TRHDE: variants seen among roughly 807,000 people sequenced by gnomAD.
TRHDE encodes the protein thyrotropin releasing hormone degrading enzyme.
TRHDE carries 72 observed loss-of-function variants against 125.7 expected under a neutral mutation model. The ratio of observed to expected loss-of-function variants is 0.57; its 90% CI spans 0.47 to 0.70. The LOEUF (loss-of-function observed/expected upper bound fraction) is 0.70, where lower values mean the gene tolerates loss of function less well. TRHDE is among the 30% of genes least tolerant of loss of function. TRHDE has a pLI of 0.00. For synonymous variants in TRHDE, 509 were observed against 509.1 expected (o/e 1.00, Z 0.00); for missense variants, 1,110 against 1,327.1 (o/e 0.84, Z 2.54).
intron 2 of TRHDE, among the ~76,000 whole-genome samples, chr12:72,342,405 G>C (rs1870123852): frequency 6.6e-6 from 1 of 152,086 alleles, no homozygotes; most frequent in South Asian, 2.1e-4. Flanking sequence ...GGGTTTTCAA[G>C]AAGAGGGAGA....
intron 3 of TRHDE, among the ~76,000 whole-genome samples, chr12:72,444,751 G>A (rs1321471546): frequency 6.6e-6 from 1 of 151,808 alleles, no homozygotes; most frequent in Non-Finnish European, 1.5e-5. Flanking sequence ...GCTGGAGAGC[G>A]AGCCACTTGA....
At chr12:72,248,810 C>T (rs1878626413) in intron 2 of TRHDE, among the ~76,000 whole-genome samples, 1 of 152,158 alleles carries the variant, frequency 6.6e-6, no homozygotes, top group Admixed American at 6.5e-5. Context: ...ACAGTTAATG[C>T]TTTTGCCTTG....
chr12:72,166,132 G>A (rs1050513052), intron 2 of TRHDE, among the ~76,000 whole-genome samples: 30 of 152,266 alleles, frequency 2.0e-4, no homozygotes, highest in Non-Finnish European at 4.4e-4. Flanking sequence ...ATACTGTACT[G>A]AGTACTGTAA....
chr12:72,580,018 A>G (rs1168473250), intron 12 of TRHDE, among the ~76,000 whole-genome samples: 2 of 152,168 alleles, frequency 1.3e-5, no homozygotes, highest in African/African-American at 4.8e-5. Context: ...GTTCTTATTC[A>G]GAATCTTACA....
intron 2 of TRHDE, among the ~76,000 whole-genome samples, chr12:72,157,140 C>T (rs1255854608): frequency 6.7e-6 from 1 of 149,708 alleles, no homozygotes; most frequent in African/African-American, 2.5e-5. Flanking sequence ...TTTTTTTGAG[C>T]TCTGTCGCCC....
At chr12:72,424,429 T>A (rs1418910478) in intron 3 of TRHDE, among the ~76,000 whole-genome samples, 3 of 152,172 alleles carry the variant, frequency 2.0e-5, no homozygotes, top group Non-Finnish European at 4.4e-5. Context: ...TATTCACAAG[T>A]ACCACGGGTT....
chr12:72,639,169 C>G (rs1873914820), intron 15 of TRHDE, among the ~76,000 whole-genome samples: 1 of 151,634 alleles, frequency 6.6e-6, no homozygotes, highest in Non-Finnish European at 1.5e-5. Flanking sequence ...GGTCTTTTCA[C>G]ATAGTCCCAT....
At chr12:72,521,241 T>G (rs1879179156) in intron 6 of TRHDE, among the ~76,000 whole-genome samples, 1 of 152,242 alleles carries the variant, frequency 6.6e-6, no homozygotes, top group Non-Finnish European at 1.5e-5. Flanking sequence ...GTCTCATGAT[T>G]TCATAATTCC....
intron 3 of TRHDE, among the ~76,000 whole-genome samples, chr12:72,438,616 A>G (rs1310622163): frequency 6.6e-6 from 1 of 151,556 alleles, no homozygotes; most frequent in Non-Finnish European, 1.5e-5. Context: ...TTTTTTTGTG[A>G]TCATATTTTC....
chr12:72,617,528 T>C (rs994134622), intron 12 of TRHDE, among the ~76,000 whole-genome samples: 3 of 152,190 alleles, frequency 2.0e-5, no homozygotes, highest in African/African-American at 4.8e-5. Flanking sequence ...AATTTTGTTA[T>C]GTTACAAAAG....
chr12:72,375,103 C>T (rs139927859), intron 2 of TRHDE, among the ~76,000 whole-genome samples: 41 of 152,210 alleles, frequency 2.7e-4, no homozygotes, highest in African/African-American at 9.6e-4. Context: ...AAGAGCTTAG[C>T]CTTGGATAGG....
At chr12:72,377,238 T>G (rs1871929040) in intron 2 of TRHDE, among the ~76,000 whole-genome samples, 1 of 151,780 alleles carries the variant, frequency 6.6e-6, no homozygotes, top group South Asian at 2.1e-4. Flanking sequence ...TTATGAAAAC[T>G]AATCTCATTT....
At chr12:72,268,821 C>A (rs1239538397), upstream of TRHDE, among the ~76,000 whole-genome samples, 1 of 151,958 alleles carries the variant, frequency 6.6e-6, no homozygotes, top group South Asian at 2.1e-4. Flanking sequence ...AATATTCAGA[C>A]AATTTTTACT....
chr12:72,567,494 A>C (rs1242057395), intron 9 of TRHDE, among the ~76,000 whole-genome samples: 1 of 151,974 alleles, frequency 6.6e-6, no homozygotes, highest in Non-Finnish European at 1.5e-5. Flanking sequence ...GAATAATAAA[A>C]TAGTCAAATT....
intron 3 of TRHDE, among the ~76,000 whole-genome samples, chr12:72,454,437 A>G (rs1235331831): frequency 6.6e-6 from 1 of 152,166 alleles, no homozygotes; most frequent in African/African-American, 2.4e-5. Flanking sequence ...AAGTGAACTA[A>G]TGAGAAAGGC....
intron 15 of TRHDE, among the ~76,000 whole-genome samples, chr12:72,644,753 C>T (rs1171739879): frequency 1.3e-5 from 2 of 152,066 alleles, no homozygotes; most frequent in African/African-American, 4.8e-5. Flanking sequence ...AAGAGTTGAA[C>T]TGTGCATCTA....
intron 3 of TRHDE, among the ~76,000 whole-genome samples, chr12:72,394,077 T>C (rs1024532611): frequency 3.9e-5 from 6 of 152,162 alleles, no homozygotes; most frequent in African/African-American, 1.2e-4. Flanking sequence ...GAAATATGGT[T>C]TGGACAATTA....
chr12:72,289,444 C>A (rs1428095861), intron 2 of TRHDE, among the ~76,000 whole-genome samples: 1 of 152,056 alleles, frequency 6.6e-6, no homozygotes, highest in African/African-American at 2.4e-5. Context: ...AGACTGAATC[C>A]AAGGCTGCAG....
rs923804375 is a variant in TRHDE at position 72,378,101 on chromosome 12, C to G, written c.1295C>G (p.Pro432Arg). The G allele has an allele frequency of 6.3e-7, 1 of 1,581,374 alleles. No homozygotes were observed. ...IEFYEDYFKV[P>R]YSLPKLDLLA... Reference sequence around the variant, plus strand: ...TTTTATGAAGACTACTTTAAAGTGCCCTATTCCTTGCCAAAACTAGGTAAG... The same window carrying G: ...TTTTATGAAGACTACTTTAAAGTGCGCTATTCCTTGCCAAAACTAGGTAAG... Residue 432 changes from proline to arginine, a missense_variant, in exon 3 of 19, where the codon CCC becomes CGC. Transcript: ENST00000261180.
Sources: gnomAD v4.1 joint callset for allele counts (sites outside exome capture counted in the v4.1 genomes callset) on GRCh38, gnomAD v4.1.1 for gene constraint, MANE v1.5 for transcripts, NCBI Gene and HGNC (gene_info 2026-07-23, HGNC 2026-07-21) for gene names.